The following ABR variants were observed in gnomAD, a reference collection of about 807,000 sequenced individuals.
ABR encodes active breakpoint cluster region-related protein.
Under a neutral mutation model 107.2 loss-of-function variants are expected in ABR, and 35 were observed. The observed-to-expected ratio is 0.33, with a 90% CI of 0.25 to 0.43. The LOEUF (loss-of-function observed/expected upper bound fraction) is 0.43. Among genes scored for constraint, ABR ranks in the 20% least tolerant of loss-of-function variants. The probability of loss-of-function intolerance (pLI) is 1.00; values close to 1 mark genes in which losing one functional copy is unlikely to be tolerated. For missense variants in ABR, 815 were observed against 1,115.2 expected, an observed-to-expected ratio of 0.73 and a Z score of 3.83; for synonymous variants, 498 against 462.0, an observed-to-expected ratio of 1.08 and a Z score of -1.00.
chr17:1,191,191 T>G (rs1243741822), upstream of ABR, among the ~76,000 whole-genome samples: 1 of 152,076 alleles, frequency 6.6e-6, no homozygotes. Context: ...CAAGATCCGG[T>G]TCTCGGGCCT....
At chr17:1,221,495 G>C (rs990392302) in intron 1 of ABR, among the ~76,000 whole-genome samples, 2 of 152,166 alleles carry the variant, frequency 1.3e-5, no homozygotes, top group Non-Finnish European at 2.9e-5. Context: ...ACTCTCGGCC[G>C]GACTGCTGGC....
chr17:1,004,836 C>A lies in ABR; in HGVS notation c.*1244G>T. On this transcript the variant is annotated 3_prime_UTR_variant, in exon 23 of 23. Transcript: ENST00000302538. ...CTGGGGCGGCACCACAATGGCTGGC[C>A]ACCGTGGGCCTGTGCCTTTGCTTCC... The A allele has an allele frequency of 2.5e-6, 1 of 392,954 alleles. No homozygotes were observed. Among genetic ancestry groups the A allele is most frequent in the Non-Finnish European group, 4.5e-6 (1 of 222,720 alleles). 24.3% of individuals were successfully genotyped at this position (392,954 alleles called of 1,614,324 possible).
intron 16 of ABR, among the ~76,000 whole-genome samples, chr17:1,040,055 G>A (rs1470361577): frequency 2.0e-5 from 3 of 152,186 alleles, no homozygotes; most frequent in Non-Finnish European, 4.4e-5. Context: ...TGGCCCACGC[G>A]TGAGGCCTGG....
chr17:1,018,264 G>A (rs575820608), intron 16 of ABR, among the ~76,000 whole-genome samples: 126 of 151,284 alleles, frequency 8.3e-4, no homozygotes, highest in South Asian at 1.5e-3. Flanking sequence ...GGATGGTCTT[G>A]ATCTCCTGAC....
At chr17:1,162,006 G>T (rs1465562615) in intron 1 of ABR, among the ~76,000 whole-genome samples, 1 of 152,192 alleles carries the variant, frequency 6.6e-6, no homozygotes, top group Non-Finnish European at 1.5e-5. Context: ...CTCATTAAGT[G>T]ACTCTCCCAG....
At chr17:1,028,239 C>A (rs4968077) in intron 16 of ABR, among the ~76,000 whole-genome samples, 7 of 151,538 alleles carry the variant, frequency 4.6e-5, no homozygotes, top group East Asian at 1.9e-4. Flanking sequence ...TACAGGTGCC[C>A]GCCACCATGC....
At chr17:1,009,134 A>G (rs1380865680) in intron 21 of ABR, among the ~76,000 whole-genome samples, 1 of 152,134 alleles carries the variant, frequency 6.6e-6, no homozygotes, top group African/African-American at 2.4e-5. Flanking sequence ...CAGCACCTGC[A>G]TCAAGGCTTA....
rs1034080084 is a variant in ABR, at chr17:1,148,437, G to A, written c.62-23070C>T. ...GGGTGGTGGCCAGGAGCTGGGGGCT[G>A]GAGAAACGGGGAGCTGTTGTTCAAT... On this transcript the variant is annotated intron_variant, in intron 1 of 22. Transcript: ENST00000302538. This position sits in a 1 kb window ranked among gnomAD's most constrained non-coding sequence, Gnocchi z 4.9. 2.6e-5 allele frequency among the ~76,000 whole-genome samples: 4 copies of A among 152,150 alleles called. No individual in the cohort carries two copies. The highest frequency in any genetic ancestry group is 4.4e-5 in the Non-Finnish European group (3 of 68,036).
intron 16 of ABR, among the ~76,000 whole-genome samples, chr17:1,034,536 T>C (rs56987802): frequency 0.099 from 15,038 of 151,992 alleles, 1,586 homozygotes; most frequent in African/African-American, 0.26. Context: ...CATCGAGAGA[T>C]ACAATTTCCA....
intron 1 of ABR, among the ~76,000 whole-genome samples, chr17:1,222,737 C>A (rs950274474): frequency 5.3e-5 from 8 of 152,168 alleles, no homozygotes; most frequent in East Asian, 1.9e-4. Context: ...CATAGTGAGA[C>A]CCCGTCTCTA....
At chr17:1,031,830 C>A (rs1201753704) in intron 16 of ABR, 16 of 1,225,414 alleles carry the variant, frequency 1.3e-5, no homozygotes, top group Non-Finnish European at 1.6e-5. Flanking sequence ...CCTAGTCCCG[C>A]CGGCTTTCCC....
chr17:1,031,576 A>G (rs2072764985), intron 16 of ABR: 2 of 498,352 alleles, frequency 4.0e-6, no homozygotes, highest in Non-Finnish European at 4.9e-6. Flanking sequence ...CACCCCCCGG[A>G]ACCTCCAGCC....
chr17:1,009,934 G>C, intron 20 of ABR, 150 bp from the exon 21 acceptor site: 2 of 662,064 alleles, frequency 3.0e-6, no homozygotes, highest in South Asian at 1.8e-5. Context: ...CTGGTGTCTG[G>C]GTGGGCTGTC....
At chr17:1,030,185 G>A (rs1027163147) in intron 16 of ABR, among the ~76,000 whole-genome samples, 17 of 152,180 alleles carry the variant, frequency 1.1e-4, no homozygotes, top group Admixed American at 8.5e-4. Context: ...CAGTTCTGCC[G>A]GCCACAAATG....
chr17:1,117,728 T>C (rs1289926811), intron 2 of ABR, among the ~76,000 whole-genome samples: 2 of 49,324 alleles, frequency 4.1e-5, no homozygotes, highest in Admixed American at 2.3e-4. Flanking sequence ...GCCTGAGTTC[T>C]CCCCAGCGTT....
At chr17:1,222,273 C>T (rs896016606) in intron 1 of ABR, among the ~76,000 whole-genome samples, 22 of 152,082 alleles carry the variant, frequency 1.4e-4, no homozygotes, top group Non-Finnish European at 2.6e-4. Context: ...CCATGTTGGC[C>T]AGGCTGGTCT....
chr17:1,144,210 A>G lies in ABR; in HGVS notation c.62-18843T>C, dbSNP rs112644721. Among the ~76,000 whole-genome samples the G allele has an allele frequency of 3.0e-3, 464 of 152,276 alleles. 2 individuals are homozygous for G. The highest frequency in any genetic ancestry group is 0.011 in the African/African-American group (444 of 41,544). On this transcript the variant is annotated intron_variant, in intron 1 of 22. Transcript: ENST00000302538. ...TGTGCCCACCGAACATAGAGGAATC[A>G]TATTGCAGACGGGCCGTATAACCTT...
chr17:1,018,322 G>C (rs9892700), intron 16 of ABR, among the ~76,000 whole-genome samples: 65 of 152,320 alleles, frequency 4.3e-4, no homozygotes, highest in African/African-American at 1.5e-3. Flanking sequence ...GATTACGGGC[G>C]TGAGCCACCA....
intron 6 of ABR, among the ~76,000 whole-genome samples, chr17:1,075,010 A>C (rs969635846): frequency 3.9e-5 from 6 of 152,216 alleles, no homozygotes; most frequent in Non-Finnish European, 8.8e-5. Flanking sequence ...AGGTTTCCTG[A>C]AGCAACTCAG....
Sources: gnomAD v4.1 joint callset for allele counts (sites outside exome capture counted in the v4.1 genomes callset) on GRCh38, gnomAD v4.1.1 for gene constraint, Gnocchi (gnomAD v3.1) non-coding constraint, MANE v1.5 for transcripts, NCBI Gene and HGNC (gene_info 2026-07-23, HGNC 2026-07-21) for gene names.